Variants in UBE2O observed in about 807,000 individuals in gnomAD.
UBE2O encodes the protein (E3-independent) E2 ubiquitin-conjugating enzyme.
In UBE2O, 15 loss-of-function variants were observed where a neutral mutation model predicts 125.8. The observed-to-expected ratio is 0.12, with a 90% CI of 0.08 to 0.18. The LOEUF is 0.18. Ranked by LOEUF, UBE2O falls within the 10% of genes least tolerant of loss-of-function variation. The probability of loss-of-function intolerance (pLI) is 1.00; values close to 1 mark genes in which losing one functional copy is unlikely to be tolerated. For missense variants in UBE2O, 1,280 were observed against 1,723.6 expected (o/e 0.74, Z 4.56); for synonymous variants, 708 against 703.2 (o/e 1.01, Z -0.11).
At position 76,398,560 on chromosome 17, in the gene UBE2O, A is replaced by G; in HGVS notation, c.1808T>C (p.Val603Ala). Residue 603 changes from valine (V) to alanine (A), a missense_variant, in exon 11 of 18, where the codon GTC (valine) becomes GCC (alanine). Coordinates refer to ENST00000319380, the MANE Select transcript of UBE2O (RefSeq NM_022066.4). The surrounding 1 kb of genome is among the most constrained non-coding windows in gnomAD (Gnocchi z 5.4). ...KRVQSCPDPAVYGVVQSGDHI... is the reference protein window; with the variant it reads ...KRVQSCPDPAAYGVVQSGDHI... Reference sequence around the variant, plus strand: ...GTCCCCAGACTGTACCACACCGTAGACAGCAGGGTCTGGACAGCTCTGGAC... The same window carrying G: ...GTCCCCAGACTGTACCACACCGTAGGCAGCAGGGTCTGGACAGCTCTGGAC... 1 of 1,614,110 alleles carries G rather than the reference A, an allele frequency of 6.2e-7. No homozygotes were observed. The highest frequency in any genetic ancestry group is 1.3e-5 in the African/African-American group (1 of 75,018).
intron 1 of UBE2O, among the ~76,000 whole-genome samples, chr17:76,428,738 C>T (rs1480613238): frequency 2.0e-5 from 3 of 152,118 alleles, no homozygotes; most frequent in Non-Finnish European, 4.4e-5. Context: ...ATCTTGACTG[C>T]TGTTACATGT....
At position 76,391,804 on chromosome 17, in the gene UBE2O, T is replaced by C; in HGVS notation, c.3160A>G (p.Arg1054Gly). ...AGAAGGCTGGACTTGCTTGTCCACC[T>C]CTCTGTCCCCTGAAACACACAGGGC... ...LGTWIGKGTE[R>G]WTSKSSLLQV... Residue 1054 changes from arginine to glycine, a missense_variant, in exon 17 of 18, where the codon AGG (arginine) becomes GGG (glycine). Around this residue, in one of 10 missense-constraint regions of UBE2O, gnomAD observed 37 missense variants for 115.6 expected, o/e 0.32. Coordinates refer to ENST00000319380, the MANE Select transcript of UBE2O (RefSeq NM_022066.4). The surrounding 1 kb of genome is among the most constrained non-coding windows in gnomAD (Gnocchi z 8.4). 1 of 1,614,116 alleles carries C rather than the reference T, an allele frequency of 6.2e-7. No individual in the cohort carries two copies. Among genetic ancestry groups the C allele is most frequent in the Non-Finnish European group, 8.5e-7 (1 of 1,180,026 alleles).
Position 76,452,914 on chromosome 17 carries a change from G to T in UBE2O, c.228C>A (p.Phe76Leu). Residue 76 changes from phenylalanine to leucine, a missense_variant, in exon 1 of 18, where the codon TTC becomes TTA. Physicochemically the swap from Phe to Leu is conservative, Grantham distance 22 (BLOSUM62 0). This residue lies in a region of UBE2O where 188 missense variants were observed against 192.5 expected (regional missense o/e 0.98). Transcript: ENST00000319380. This position sits in a 1 kb window ranked among gnomAD's most constrained non-coding sequence, Gnocchi z 4.4. ...VSGRYRGSVH[F>L]GLVRLIHGED... Reference sequence around the variant, plus strand: ...CGCCGTGGATGAGGCGCACCAGCCCGAAGTGCACGGAGCCACGGTAACGGC... The same window carrying T: ...CGCCGTGGATGAGGCGCACCAGCCCTAAGTGCACGGAGCCACGGTAACGGC... The T allele has an allele frequency of 2.7e-6, 4 of 1,497,088 alleles. No individual in the cohort carries two copies. The highest frequency in any genetic ancestry group is 2.7e-6 in the Non-Finnish European group (3 of 1,122,590). The allele number at this position is 1,497,088 out of a possible 1,614,324, so 92.7% of individuals were successfully genotyped here. A position where few individuals can be genotyped will look rare whatever the true frequency, so the allele number is the denominator to read the frequency against.
At chr17:76,407,203 C>T (rs531331658) in intron 1 of UBE2O, among the ~76,000 whole-genome samples, 2 of 152,284 alleles carry the variant, frequency 1.3e-5, no homozygotes, top group East Asian at 1.9e-4. Flanking sequence ...TCAGCAAGGT[C>T]GGCAGCTGTG....
Position 76,396,420 on chromosome 17 carries a change from A to C in UBE2O, c.2517T>G (p.Ser839=), listed in dbSNP as rs765061414. 1 of 1,614,108 alleles carries C rather than the reference A, an allele frequency of 6.2e-7. No individual in the cohort carries two copies. The highest frequency in any genetic ancestry group is 1.1e-5 in the South Asian group (1 of 91,076). The change falls in exon 14 of 18, where the codon TCT becomes TCG. Residue 839 remains serine (S), a synonymous_variant. Transcript: ENST00000319380. The surrounding 1 kb of genome is among the most constrained non-coding windows in gnomAD (Gnocchi z 6.7). The part of the protein sequence containing the change: ...VEQLLTGSPT[S]PTVEPEKPTR... ...TTGGCTTCTCAGGCTCCACAGTCGG[A>C]GAGGTGGGCGAGCCCGTCAGCAGCT...
chr17:76,450,929 G>T (rs1007671614), intron 1 of UBE2O, among the ~76,000 whole-genome samples: 1 of 152,110 alleles, frequency 6.6e-6, no homozygotes, highest in African/African-American at 2.4e-5. Context: ...CGTTGTTTTC[G>T]ATTTAACTCC....
rs1166875940 is a variant in UBE2O at position 76,404,651 on chromosome 17, C to T, written c.588+555G>A. On this transcript the variant is annotated intron_variant, in intron 3 of 17. Transcript: ENST00000319380. The surrounding 1 kb of genome is among the most constrained non-coding windows in gnomAD (Gnocchi z 4.3). ...CAATCTGGGGGTTATATGGTGGTTG[C>T]ACAGGAGGCTGTCCTCATTTTTGGA... Among the ~76,000 whole-genome samples the T allele has an allele frequency of 6.6e-6, 1 of 152,128 alleles. No homozygotes were observed. The highest frequency in any genetic ancestry group is 2.4e-5 in the African/African-American group (1 of 41,408).
chr17:76,400,410 CCTGGGTTG>C lies in UBE2O; in HGVS notation c.1004+23_1004+30del. 6.2e-7 allele frequency: 1 copy of C among 1,601,808 alleles called. No individual in the cohort carries two copies. The highest frequency in any genetic ancestry group is 8.5e-7 in the Non-Finnish European group (1 of 1,172,490). On this transcript the variant is annotated intron_variant, in intron 7 of 17. Coordinates refer to ENST00000319380, the MANE Select transcript of UBE2O (RefSeq NM_022066.4). The surrounding 1 kb of genome is among the most constrained non-coding windows in gnomAD (Gnocchi z 4.3). ...CCCAGAGCCCTGTCCCACGCGTGCC[CCTGGGTTG>C]CTGGCAGTAAGGGCATGCTTACCTG... is the stretch of plus-strand genomic sequence containing the variant.
intron 1 of UBE2O, among the ~76,000 whole-genome samples, chr17:76,407,884 A>G (rs1332284244): frequency 6.6e-6 from 1 of 152,188 alleles, no homozygotes; most frequent in African/African-American, 2.4e-5. Context: ...TGACCTTTCT[A>G]TGACAAGGAG....
chr17:76,422,569 G>A (rs190934658), intron 1 of UBE2O, among the ~76,000 whole-genome samples: 4 of 152,330 alleles, frequency 2.6e-5, no homozygotes, highest in East Asian at 1.9e-4. Flanking sequence ...CGAGCAGGAC[G>A]GAGGTTCCAT....
At position 76,400,101 on chromosome 17, in the gene UBE2O, G is replaced by A. The variant is rs777325560; in HGVS notation, c.1155+46C>T. 1.3e-6 allele frequency: 2 copies of A among 1,593,420 alleles called. No homozygotes were observed. Among genetic ancestry groups the A allele is most frequent in the South Asian group, 1.1e-5 (1 of 87,800 alleles). ...CTTCTTGGCCATGGAAATGGCTCAA[G>A]GCCAGTTCCTCAAATGCCCACCAAT... On this transcript the variant is annotated intron_variant, in intron 8 of 17. Transcript: ENST00000319380. The surrounding 1 kb of genome is among the most constrained non-coding windows in gnomAD (Gnocchi z 4.3).
rs1198515028 is a variant in UBE2O at position 76,413,296 on chromosome 17, G to C, written c.418-7724C>G. On this transcript the variant is annotated intron_variant, in intron 1 of 17. Transcript: ENST00000319380. ...ATGGCCTGAGAAGCTACTTACACCA[G>C]ATTGGAAAGTTTATCCCAGTGTGGA... is the stretch of plus-strand genomic sequence containing the variant. Among the ~76,000 whole-genome samples, 3 of 152,190 alleles carry C rather than the reference G, an allele frequency of 2.0e-5. No homozygotes were observed. The East Asian group carries it at 5.8e-4, about 29-fold the overall frequency.
chr17:76,421,541 T>C (rs2072711553), intron 1 of UBE2O, among the ~76,000 whole-genome samples: 1 of 151,952 alleles, frequency 6.6e-6, no homozygotes, highest in African/African-American at 2.4e-5. Flanking sequence ...AATTTTGTAT[T>C]TTTAGTAGAG....
rs749838228 is a variant in UBE2O at position 76,397,781 on chromosome 17, G to C, written c.2115+18C>G. The C allele has an allele frequency of 6.2e-7, 1 of 1,613,278 alleles. No individual in the cohort carries two copies. Among genetic ancestry groups the C allele is most frequent in the Non-Finnish European group, 8.5e-7 (1 of 1,179,262 alleles). On this transcript the variant is annotated intron_variant, in intron 13 of 17. Transcript: ENST00000319380. ...CCATAGTCACAAGCTCAGCAGGGGG[G>C]TCTTGCCAGAGCCTCACCTGGGGCA...
chr17:76,441,251 C>T (rs770251049), intron 1 of UBE2O, among the ~76,000 whole-genome samples: 1 of 152,200 alleles, frequency 6.6e-6, no homozygotes, highest in East Asian at 1.9e-4. Flanking sequence ...AATCATTCTC[C>T]TCTTGGATTG....
chr17:76,441,846 A>C (rs553132496), intron 1 of UBE2O, among the ~76,000 whole-genome samples: 2 of 152,352 alleles, frequency 1.3e-5, no homozygotes, highest in African/African-American at 4.8e-5. Flanking sequence ...TGACTCCTTC[A>C]AAGTAATAGG....
Position 76,402,079 on chromosome 17 carries a change from C to T in UBE2O, c.735G>A (p.Pro245=), listed in dbSNP as rs555033464. The T allele has an allele frequency of 1.5e-5, 25 of 1,613,578 alleles. No individual in the cohort carries two copies. The highest frequency in any genetic ancestry group is 8.8e-5 in the South Asian group (8 of 91,046). The change falls in exon 5 of 18, where the codon CCG becomes CCA. Residue 245 remains proline (P), a synonymous_variant. Transcript: ENST00000319380. The surrounding 1 kb of genome is among the most constrained non-coding windows in gnomAD (Gnocchi z 5.4). The part of the protein sequence containing the change: ...EDGAKLYDVC[P]HVSDSGLFFD... ...AGCACACTACCGAGTCGCTGACGTG[C>T]GGGCAGACGTCGTAGAGCTTGGCGC...
intron 1 of UBE2O, among the ~76,000 whole-genome samples, chr17:76,413,064 C>T (rs918724950): frequency 1.3e-5 from 2 of 152,220 alleles, no homozygotes; most frequent in Admixed American, 1.3e-4. Context: ...CTCAGTTTTG[C>T]GGGGGTGGAA....
chr17:76,419,700 G>A (rs1434310038), intron 1 of UBE2O, among the ~76,000 whole-genome samples: 2 of 152,222 alleles, frequency 1.3e-5, no homozygotes, highest in Non-Finnish European at 2.9e-5. Flanking sequence ...CAGTGGCAAA[G>A]AGCAGATCCC....
Sources: gnomAD v4.1 joint callset for allele counts (sites outside exome capture counted in the v4.1 genomes callset) on GRCh38, gnomAD v4.1.1 for gene constraint, gnomAD v4.1.1 regional missense constraint, Gnocchi (gnomAD v3.1) non-coding constraint, MANE v1.5 for transcripts, NCBI Gene and HGNC (gene_info 2026-07-23, HGNC 2026-07-21) for gene names.